Variants in OCM observed in about 807,000 individuals in gnomAD.
OCM encodes oncomodulin, also known as oncomodulin-1.
In OCM, 18 loss-of-function variants were observed where a neutral mutation model predicts 14.1. The observed-to-expected ratio is 1.28, with a 90% CI of 0.88 to 1.89. The LOEUF (loss-of-function observed/expected upper bound fraction) is 1.89, where lower values mean the gene tolerates loss of function less well. OCM is among the 40% of genes most tolerant of loss of function. The pLI, the probability that OCM is intolerant of heterozygous loss-of-function variation, is 0.00. For synonymous variants in OCM, 48 were observed against 51.0 expected (o/e 0.94, Z 0.25); for missense variants, 140 against 137.6 (o/e 1.02, Z -0.09).
At chr7:5,879,873 G>T (rs1781173544), upstream of OCM, 1 of 151,982 alleles carries the variant, frequency 6.6e-6, no homozygotes, top group Non-Finnish European at 1.5e-5. Context: ...CCTATATAAG[G>T]TAGGTCAGTA....
the OCM span, among the ~76,000 whole-genome samples, chr7:5,873,194 G>T: frequency 6.6e-6 from 1 of 152,110 alleles, no homozygotes; most frequent in East Asian, 1.9e-4. Context: ...GACCAACATG[G>T]TAAAACCCTG....
the OCM span, among the ~76,000 whole-genome samples, chr7:5,867,874 C>T: frequency 5.9e-5 from 9 of 151,556 alleles, no homozygotes; most frequent in East Asian, 3.9e-4. Flanking sequence ...TGATCCTCCC[C>T]GGTAGCTGGG....
At chr7:5,861,157 C>T in the OCM span, among the ~76,000 whole-genome samples, 1 of 152,064 alleles carries the variant, frequency 6.6e-6, no homozygotes, top group African/African-American at 2.4e-5. Flanking sequence ...TGCGGTGGCT[C>T]ACGCCTGTAA....
At chr7:5,861,561 C>T in the OCM span, among the ~76,000 whole-genome samples, 1 of 152,040 alleles carries the variant, frequency 6.6e-6, no homozygotes, top group African/African-American at 2.4e-5. Context: ...GGAAGGAGAG[C>T]CAAGAGAGTT....
At chr7:5,868,970 G>C in the OCM span, among the ~76,000 whole-genome samples, 1 of 152,114 alleles carries the variant, frequency 6.6e-6, no homozygotes, top group African/African-American at 2.4e-5. Flanking sequence ...GGCTGAGATG[G>C]GAGAATTGCT....
At chr7:5,872,787 G>T in the OCM span, among the ~76,000 whole-genome samples, 2 of 152,078 alleles carry the variant, frequency 1.3e-5, no homozygotes, top group Non-Finnish European at 2.9e-5. Flanking sequence ...CTTTGTTCAC[G>T]TGTTTATCTG....
At chr7:5,877,543 G>A (rs1781118974), upstream of OCM, among the ~76,000 whole-genome samples, 1 of 151,728 alleles carries the variant, frequency 6.6e-6, no homozygotes, top group Non-Finnish European at 1.5e-5. Context: ...CCTAGGCCAG[G>A]CCCGGCTGCT....
chr7:5,874,260 T>C, the OCM span, among the ~76,000 whole-genome samples: 1 of 148,460 alleles, frequency 6.7e-6, no homozygotes, highest in Admixed American at 6.7e-5. Context: ...AAAAGATCTA[T>C]TTCCACATCT....
intron 1 of OCM, 116 bp downstream of exon 1, chr7:5,881,066 C>T: frequency 9.7e-7 from 1 of 1,031,690 alleles, no homozygotes; most frequent in Non-Finnish European, 1.5e-6. Context: ...CACCTGTAAT[C>T]CCAGCACTTT....
the OCM span, among the ~76,000 whole-genome samples, chr7:5,861,308 C>G: frequency 6.6e-6 from 1 of 151,942 alleles, no homozygotes; most frequent in African/African-American, 2.4e-5. Context: ...GTAATCCCAG[C>G]TACTTGGGAG....
chr7:5,860,872 T>A, the OCM span, among the ~76,000 whole-genome samples: 3 of 149,468 alleles, frequency 2.0e-5, no homozygotes, highest in Non-Finnish European at 4.5e-5. Flanking sequence ...ATATATATAT[T>A]TATTTATTTA....
At chr7:5,871,394 C>G in the OCM span, among the ~76,000 whole-genome samples, 1 of 151,816 alleles carries the variant, frequency 6.6e-6, no homozygotes, top group Non-Finnish European at 1.5e-5. Context: ...GGGTCTCACT[C>G]TGTTGCCTAG....
the OCM span, among the ~76,000 whole-genome samples, chr7:5,859,875 A>T: frequency 1.3e-5 from 2 of 151,680 alleles, no homozygotes; most frequent in Non-Finnish European, 2.9e-5. Flanking sequence ...TTTACTAGAG[A>T]CAGGGTTTTA....
At chr7:5,868,784 C>G in the OCM span, among the ~76,000 whole-genome samples, 2 of 152,220 alleles carry the variant, frequency 1.3e-5, no homozygotes, top group Non-Finnish European at 2.9e-5. Flanking sequence ...GAGTCCAGGC[C>G]GAGCACGGTG....
the OCM span, among the ~76,000 whole-genome samples, chr7:5,866,337 T>TG: frequency 4.4e-5 from 3 of 68,938 alleles, no homozygotes; most frequent in Admixed American, 1.9e-4. Flanking sequence ...AAGGAAGGAG[T>TG]GGGGGGGAGA....
At chr7:5,861,469 A>G in the OCM span, among the ~76,000 whole-genome samples, 6 of 152,066 alleles carry the variant, frequency 3.9e-5, no homozygotes, top group Non-Finnish European at 7.4e-5. Flanking sequence ...TTGGAATAGA[A>G]CCAGTTGGGT....
chr7:5,862,509 C>T, the OCM span, among the ~76,000 whole-genome samples: 1 of 152,190 alleles, frequency 6.6e-6, no homozygotes, highest in East Asian at 1.9e-4. Context: ...CTTATTTTCA[C>T]ATGGATAGGA....
chr7:5,872,132 C>T, the OCM span: 1 of 152,232 alleles, frequency 6.6e-6, no homozygotes, highest in South Asian at 2.1e-4. Context: ...ATTTCCACAC[C>T]TATCGTAGGT....
At chr7:5,881,528 A>G (rs544971148) in intron 1 of OCM, among the ~76,000 whole-genome samples, 2 of 151,806 alleles carry the variant, frequency 1.3e-5, no homozygotes, top group Admixed American at 1.3e-4. Context: ...TACTCTGGAA[A>G]CTAAGGTAGG....
Sources: allele counts gnomAD v4.1 joint callset (sites outside exome capture counted in the v4.1 genomes callset), GRCh38; gene constraint gnomAD v4.1.1; transcripts MANE v1.5; gene names NCBI Gene and HGNC (gene_info 2026-07-23, HGNC 2026-07-21).